PIGR: variants seen among roughly 807,000 people sequenced by gnomAD.
PIGR encodes polymeric immunoglobulin receptor.
Under a neutral mutation model 69.5 loss-of-function variants are expected in PIGR, and 22 were observed. The observed-to-expected ratio is 0.32, with a 90% CI of 0.23 to 0.45. PIGR has a LOEUF of 0.45. Ranked by LOEUF, PIGR falls within the 20% of genes least tolerant of loss-of-function variation. The pLI is 1.00. For missense variants in PIGR, 885 were observed against 974.0 expected, an observed-to-expected ratio of 0.91 and a Z score of 1.22; for synonymous variants, 413 against 407.6, an observed-to-expected ratio of 1.01 and a Z score of -0.16.
At position 206,931,507 on chromosome 1, in the gene PIGR, T is replaced by G. The variant is rs1679748828; in HGVS notation, c.2189A>C (p.Lys730Thr). The G allele has an allele frequency of 1.9e-6, 3 of 1,614,022 alleles. No homozygotes were observed. The Admixed American group carries it at 5.0e-5, about 27-fold the overall frequency. The change falls in exon 10 of 11, where the codon AAG (lysine) becomes ACG (threonine). Residue 730 changes from lysine to threonine, a missense_variant. Coordinates refer to ENST00000356495, the MANE Select transcript of PIGR (RefSeq NM_002644.4). ...ESTTETKEPKKAKRSSKEEAE... is the reference protein window; with the variant it reads ...ESTTETKEPKTAKRSSKEEAE... Reference sequence around the variant, plus strand: ...CTTCTTCCTCCTCACCCTTTTTGCCTTCTTGGGTTCTTTGGTCTCTGTGGT... The same window carrying G: ...CTTCTTCCTCCTCACCCTTTTTGCCGTCTTGGGTTCTTTGGTCTCTGTGGT...
At position 206,930,472 on chromosome 1, in the gene PIGR, G is replaced by A; in HGVS notation, c.2200-59C>T. On this transcript the variant is annotated intron_variant, in intron 10 of 10. Coordinates refer to ENST00000356495, the MANE Select transcript of PIGR (RefSeq NM_002644.4). The surrounding 1 kb of genome is among the most constrained non-coding windows in gnomAD (Gnocchi z 4.3). ...GGCACTGGCTCAGTGGGTGGAGTCAGGGGAGGGGAGGTGCTTAATGTCCTG... is the reference window on the plus strand; with the variant it reads ...GGCACTGGCTCAGTGGGTGGAGTCAAGGGAGGGGAGGTGCTTAATGTCCTG... 4.5e-6 allele frequency: 7 copies of A among 1,556,212 alleles called. No homozygotes were observed. Among genetic ancestry groups the A allele is most frequent in the Non-Finnish European group, 6.1e-6 (7 of 1,151,214 alleles).
At chr1:206,943,628 TTCATCTC>T (rs1680041934) in intron 1 of PIGR, among the ~76,000 whole-genome samples, 1 of 152,222 alleles carries the variant, frequency 6.6e-6, no homozygotes, top group Non-Finnish European at 1.5e-5. Flanking sequence ...GTGACTGCAC[TTCATCTC>T]TCATGGTGTG....
At chr1:206,942,635 GC>G (rs1156414993) in intron 1 of PIGR, among the ~76,000 whole-genome samples, 2 of 152,212 alleles carry the variant, frequency 1.3e-5, no homozygotes, top group African/African-American at 4.8e-5. Context: ...GGGGGATGCA[GC>G]CCTCCTCTGG....
intron 6 of PIGR, among the ~76,000 whole-genome samples, chr1:206,933,663 A>G (rs1679806368): frequency 6.6e-6 from 1 of 152,178 alleles, no homozygotes; most frequent in African/African-American, 2.4e-5. Context: ...TGAAATGCAA[A>G]TTTACTAGAT....
intron 9 of PIGR, 54 bp from the exon 10 acceptor site, chr1:206,931,609 A>C: frequency 6.2e-7 from 1 of 1,613,904 alleles, no homozygotes. Flanking sequence ...TTCCCAACCC[A>C]GATGTGAGAC....
rs759891662 is a variant in PIGR at position 206,930,296 on chromosome 1, A to G, written c.*22T>C. 5 of 1,597,482 alleles carry G rather than the reference A, an allele frequency of 3.1e-6. No individual in the cohort carries two copies. In the East Asian group the frequency reaches 1.1e-4, roughly 36 times the overall value. On this transcript the variant is annotated 3_prime_UTR_variant, in exon 11 of 11. Coordinates refer to ENST00000356495, the MANE Select transcript of PIGR (RefSeq NM_002644.4). This position sits in a 1 kb window ranked among gnomAD's most constrained non-coding sequence, Gnocchi z 4.3. ...TTCTGAAGGTGATTGTCATGGGTGCAGGGAGCAGGCGGCGACACCGTCTAG... is the reference window on the plus strand; with the variant it reads ...TTCTGAAGGTGATTGTCATGGGTGCGGGGAGCAGGCGGCGACACCGTCTAG...
At position 206,931,797 on chromosome 1, in the gene PIGR, C is replaced by A. The variant is rs766623390; in HGVS notation, c.2014G>T (p.Val672Phe). 6.2e-7 allele frequency: 1 copy of A among 1,614,128 alleles called. No individual in the cohort carries two copies. Among genetic ancestry groups the A allele is most frequent in the Admixed American group, 1.7e-5 (1 of 60,016 alleles). ...TCTGTCCTGTAGCTTCTGATTGAAA[C>A]TCGGTCTGTCCGGGAGGAAGAGGAG... ...RARHRKNVDR[V>F]SIRSYRTDIS... The change falls in exon 9 of 11, where the codon GTT becomes TTT. Residue 672 changes from valine to phenylalanine, a missense_variant. Val to Phe is a conservative substitution (Grantham distance 50, BLOSUM62 -1). Transcript: ENST00000356495.
intron 1 of PIGR, among the ~76,000 whole-genome samples, chr1:206,941,158 C>T (rs576694853): frequency 1.3e-5 from 2 of 152,212 alleles, no homozygotes; most frequent in Non-Finnish European, 2.9e-5. Flanking sequence ...CTATCTCATA[C>T]AGACTTGATA....
intron 1 of PIGR, 110 bp from the exon 2 acceptor site, chr1:206,940,694 A>G (rs1369770857): frequency 8.0e-6 from 5 of 628,290 alleles, no homozygotes; most frequent in Non-Finnish European, 1.4e-5. Flanking sequence ...CAACTGACAT[A>G]AATCCTGTTG....
At position 206,930,751 on chromosome 1, in the gene PIGR, T is replaced by G. The variant is rs1395982563; in HGVS notation, c.2200-338A>C. 5 of 985,304 alleles carry G rather than the reference T, an allele frequency of 5.1e-6. No homozygotes were observed. In the African/African-American group the frequency reaches 7.0e-5, roughly 14 times the overall value. The allele number at this position is 985,304 out of a possible 1,614,324, so 61.0% of individuals were successfully genotyped here. A position where few individuals can be genotyped will look rare whatever the true frequency, so the allele number is the denominator to read the frequency against. Reference sequence around the variant, plus strand: ...CTGGGGTCAACCACGGTGGTGTATGTTTTTCTTTCTCCACCAGCCCAGACA... The same window carrying G: ...CTGGGGTCAACCACGGTGGTGTATGGTTTTCTTTCTCCACCAGCCCAGACA... On this transcript the variant is annotated intron_variant, in intron 10 of 10. Coordinates refer to ENST00000356495, the MANE Select transcript of PIGR (RefSeq NM_002644.4). The surrounding 1 kb of genome is among the most constrained non-coding windows in gnomAD (Gnocchi z 4.3).
At chr1:206,936,793 G>A (rs764955133) in intron 4 of PIGR, among the ~76,000 whole-genome samples, 1 of 152,186 alleles carries the variant, frequency 6.6e-6, no homozygotes, top group Non-Finnish European at 1.5e-5. Flanking sequence ...CCACAGCCCT[G>A]AAACACAGTC....
chr1:206,945,530 C>A (rs1558017297), intron 1 of PIGR, among the ~76,000 whole-genome samples: 1 of 152,196 alleles, frequency 6.6e-6, no homozygotes, highest in Non-Finnish European at 1.5e-5. Flanking sequence ...TCAGCTCCAC[C>A]TCACTCAGTG....
In PIGR at chr1:206,935,730, G is replaced by T. The variant is rs971125105; in HGVS notation, c.1134C>A (p.Ser378Arg). The T allele has an allele frequency of 6.2e-7, 1 of 1,614,116 alleles. No individual in the cohort carries two copies. Among genetic ancestry groups the T allele is most frequent in the Non-Finnish European group, 8.5e-7 (1 of 1,180,022 alleles). The change falls in exon 5 of 11, where the codon AGC becomes AGA. Residue 378 changes from serine to arginine, a missense_variant. Transcript: ENST00000356495. This position sits in a 1 kb window ranked among gnomAD's most constrained non-coding sequence, Gnocchi z 4.4. ...AVLCPYNRKE[S>R]KSIKYWCLWE... Reference sequence around the variant, plus strand: ...AGAGACACCAGTACTTGATGCTTTTGCTTTCCTTACGGTTGTAGGGGCAGA... The same window carrying T: ...AGAGACACCAGTACTTGATGCTTTTTCTTTCCTTACGGTTGTAGGGGCAGA...
intron 9 of PIGR, 29 bp from the exon 10 acceptor site, chr1:206,931,584 C>T (rs1239958517): frequency 1.2e-6 from 2 of 1,613,560 alleles, no homozygotes; most frequent in Non-Finnish European, 1.7e-6. Flanking sequence ...TAGGTTAGCC[C>T]TTACTAGCCT....
Position 206,937,276 on chromosome 1 carries a change from C to T in PIGR, c.864G>A (p.Lys288=), listed in dbSNP as rs1679882615. The T allele has an allele frequency of 6.2e-7, 1 of 1,613,580 alleles. No individual in the cohort carries two copies. The highest frequency in any genetic ancestry group is 1.7e-5 in the Admixed American group (1 of 59,922). The change falls in exon 4 of 11, where the codon AAG becomes AAA. Residue 288 remains lysine, a synonymous_variant. Transcript: ENST00000356495. ...TCCTGCCCTCAAAGGCTGGGGCCCT[C>T]TTCCCCAGGGTGTTGACGACCACGT... ...NCDVVVNTLG[K]RAPAFEGRIL... is the part of the protein sequence containing the mutation.
intron 1 of PIGR, among the ~76,000 whole-genome samples, chr1:206,942,783 C>T (rs898661367): frequency 5.3e-5 from 8 of 152,192 alleles, no homozygotes; most frequent in Non-Finnish European, 1.2e-4. Flanking sequence ...CATGTGTGTG[C>T]ACCCATTACC....
intron 1 of PIGR, among the ~76,000 whole-genome samples, chr1:206,943,676 G>T (rs1233128535): frequency 6.6e-6 from 1 of 152,114 alleles, no homozygotes; most frequent in African/African-American, 2.4e-5. Context: ...CTAATCTCAG[G>T]TTTCCCTCTT....
At position 206,934,468 on chromosome 1, in the gene PIGR, C is replaced by T; in HGVS notation, c.1657G>A (p.Gly553Arg). 1 of 1,614,214 alleles carries T rather than the reference C, an allele frequency of 6.2e-7. No individual in the cohort carries two copies. The highest frequency in any genetic ancestry group is 1.1e-5 in the South Asian group (1 of 91,078). Residue 553 changes from glycine to arginine, a missense_variant, in exon 6 of 11, where the codon GGA becomes AGA. Gly to Arg is a moderately radical substitution (Grantham distance 125). Coordinates refer to ENST00000356495, the MANE Select transcript of PIGR (RefSeq NM_002644.4). ...GCCACATAGACGGCTGCAGTCTCTC[C>T]ATAGAAGTGGCCCTGCTTCACTCCA... ...WCGVKQGHFY[G>R]ETAAVYVAVE...
intron 1 of PIGR, among the ~76,000 whole-genome samples, chr1:206,942,539 T>C (rs1680007203): frequency 6.6e-6 from 1 of 152,222 alleles, no homozygotes; most frequent in African/African-American, 2.4e-5. Flanking sequence ...CAGCTGTCCT[T>C]GCTTCTTGTT....
Sources: allele counts gnomAD v4.1 joint callset (sites outside exome capture counted in the v4.1 genomes callset), GRCh38; gene constraint gnomAD v4.1.1; non-coding constraint Gnocchi (gnomAD v3.1); transcripts MANE v1.5; gene names NCBI Gene and HGNC (gene_info 2026-07-23, HGNC 2026-07-21).